The following AAMDC variants were observed in gnomAD, a reference collection of about 807,000 sequenced individuals.
The protein encoded by AAMDC is adipogenesis associated Mth938 domain containing.
A neutral mutation model predicts 15.5 loss-of-function variants in AAMDC; 16 were observed. The ratio of observed to expected loss-of-function variants is 1.03; its 90% confidence interval spans 0.70 to 1.57. AAMDC has a LOEUF of 1.57. Ranked by LOEUF, AAMDC falls within the 40% of genes most tolerant of loss-of-function variation. The pLI, the probability that AAMDC is intolerant of heterozygous loss-of-function variation, is 0.00. For synonymous variants in AAMDC, 51 were observed against 51.6 expected, an observed-to-expected ratio of 0.99 and a Z score of 0.05; for missense variants, 141 against 144.9, an observed-to-expected ratio of 0.97 and a Z score of 0.14.
chr11:77,861,055 T>G (rs1279002900), intron 2 of AAMDC, among the ~76,000 whole-genome samples: 1 of 152,150 alleles, frequency 6.6e-6, no homozygotes, highest in Non-Finnish European at 1.5e-5. Context: ...TTGCCTTTGG[T>G]ACGGAAAGGA....
intron 3 of AAMDC, among the ~76,000 whole-genome samples, chr11:77,871,120 A>T (rs1244295342): frequency 1.3e-5 from 2 of 152,344 alleles, no homozygotes; most frequent in African/African-American, 4.8e-5. Flanking sequence ...ATATTTTAAA[A>T]TTTTAAACTA....
intron 1 of AAMDC, among the ~76,000 whole-genome samples, chr11:77,827,244 C>T (rs1412128582): frequency 6.6e-6 from 1 of 152,126 alleles, no homozygotes; most frequent in East Asian, 1.9e-4. Flanking sequence ...CAATGCTTCA[C>T]AAATTCATAC....
At chr11:77,882,052 C>T (rs969399296) in intron 5 of AAMDC, among the ~76,000 whole-genome samples, 1 of 152,084 alleles carries the variant, frequency 6.6e-6, no homozygotes, top group African/African-American at 2.4e-5. Context: ...GCTGGGACTA[C>T]AGGCACATGC....
downstream of AAMDC, chr11:77,901,413 C>T: frequency 1.2e-6 from 2 of 1,613,926 alleles, no homozygotes; most frequent in Non-Finnish European, 1.7e-6. Flanking sequence ...GCCAACCCCA[C>T]ATCTTACCCT....
chr11:77,842,436 C>A, intron 1 of AAMDC, 43 bp from the exon 2 acceptor site: 1 of 1,574,778 alleles, frequency 6.4e-7, no homozygotes, highest in Non-Finnish European at 8.7e-7. Context: ...CTGTTTCAGC[C>A]TTACTTTATA....
intron 1 of AAMDC, among the ~76,000 whole-genome samples, chr11:77,834,436 AT>A (rs1292408194): frequency 9.1e-6 from 1 of 110,434 alleles, no homozygotes. Flanking sequence ...GAGAAAGTTG[AT>A]TTTGTTTTTT....
intron 3 of AAMDC, chr11:77,870,222 T>C (rs1951351888): frequency 6.6e-6 from 1 of 151,542 alleles, no homozygotes; most frequent in Admixed American, 6.6e-5. Context: ...GTCTCACTAT[T>C]GTTGCCCAGG....
At chr11:77,861,813 C>T (rs529452015) in intron 2 of AAMDC, among the ~76,000 whole-genome samples, 5 of 152,218 alleles carry the variant, frequency 3.3e-5, no homozygotes, top group Non-Finnish European at 5.9e-5. Flanking sequence ...CCATTTGTCC[C>T]GTTCTGCCTG....
chr11:77,853,591 T>A (rs760542093), intron 2 of AAMDC, among the ~76,000 whole-genome samples: 1 of 152,038 alleles, frequency 6.6e-6, no homozygotes, highest in Non-Finnish European at 1.5e-5. Flanking sequence ...GGACACAAAT[T>A]CAAACCATAT....
chr11:77,879,441 G>T (rs767675823), intron 5 of AAMDC, among the ~76,000 whole-genome samples: 1 of 152,198 alleles, frequency 6.6e-6, no homozygotes. Context: ...TCTTATGCAG[G>T]TGTGGATTTG....
intron 2 of AAMDC, among the ~76,000 whole-genome samples, chr11:77,849,212 T>C (rs1950270493): frequency 1.3e-5 from 2 of 151,648 alleles, no homozygotes; most frequent in Admixed American, 6.6e-5. Flanking sequence ...AATTTTTTAT[T>C]TTTTATTTTT....
chr11:77,889,125 CAT>C (rs1015493839), intron 5 of AAMDC, among the ~76,000 whole-genome samples: 4 of 152,172 alleles, frequency 2.6e-5, no homozygotes, highest in Admixed American at 6.5e-5. Flanking sequence ...CACATGCACA[CAT>C]ATGTTTATTG....
At chr11:77,822,264 ACC>A (rs1228123870) in intron 1 of AAMDC, among the ~76,000 whole-genome samples, 2 of 151,940 alleles carry the variant, frequency 1.3e-5, no homozygotes, top group East Asian at 3.9e-4. Context: ...ACATGGTGAA[ACC>A]CCGTCTCTAG....
Position 77,872,086 on chromosome 11 carries a change from A to G in AAMDC, c.229-89A>G, listed in dbSNP as rs1024353138. On this transcript the variant is annotated intron_variant, in intron 3 of 3. Transcript: ENST00000393427. ...GTGAAGTGACGATTGTCACTGTCTA[A>G]TTCTGTAGAGTACACCTGCCTCATG... is the stretch of plus-strand genomic sequence containing the variant. 2.8e-6 allele frequency: 4 copies of G among 1,411,530 alleles called. No homozygotes were observed. The African/African-American group carries it at 4.3e-5, about 15-fold the overall frequency. 87.4% of individuals were successfully genotyped at this position (1,411,530 alleles called of 1,614,324 possible).
At chr11:77,832,368 C>G (rs1021686691) in intron 1 of AAMDC, among the ~76,000 whole-genome samples, 1 of 151,834 alleles carries the variant, frequency 6.6e-6, no homozygotes, top group Non-Finnish European at 1.5e-5. Context: ...CTCTTGTTGC[C>G]CAGGCTGGAG....
intron 5 of AAMDC, chr11:77,891,501 G>C: frequency 6.2e-7 from 1 of 1,610,056 alleles, no homozygotes; most frequent in Non-Finnish European, 8.5e-7. Context: ...TTAAAGCCAG[G>C]TCATTCCTGG....
intron 1 of AAMDC, among the ~76,000 whole-genome samples, chr11:77,835,893 G>A (rs1055274843): frequency 6.6e-6 from 1 of 151,990 alleles, no homozygotes; most frequent in Non-Finnish European, 1.5e-5. Context: ...GGGTGACAGA[G>A]TGAGACTCTG....
At chr11:77,833,097 A>G (rs1375668119) in intron 1 of AAMDC, among the ~76,000 whole-genome samples, 12 of 147,368 alleles carry the variant, frequency 8.1e-5, no homozygotes, top group East Asian at 4.0e-4. Context: ...TGCAACCTCA[A>G]TCTCCGAGGT....
At chr11:77,876,940 T>C, downstream of AAMDC, 1 of 703,086 alleles carries the variant, frequency 1.4e-6, no homozygotes, top group East Asian at 2.7e-5. Flanking sequence ...TTCTTCATGT[T>C]TTTGTCTAGG....
Sources: allele counts gnomAD v4.1 joint callset (sites outside exome capture counted in the v4.1 genomes callset), GRCh38; gene constraint gnomAD v4.1.1; transcripts MANE v1.5; gene names NCBI Gene and HGNC (gene_info 2026-07-23, HGNC 2026-07-21).